The following HSPG2 variants were observed in gnomAD, a reference collection of about 807,000 sequenced individuals.
The protein encoded by HSPG2 is basement membrane-specific heparan sulfate proteoglycan core protein.
HSPG2 carries 278 observed loss-of-function variants against 526.6 expected under a neutral mutation model. The observed-to-expected ratio is 0.53, with a 90% confidence interval of 0.48 to 0.58. The LOEUF (loss-of-function observed/expected upper bound fraction) is 0.58, where lower values mean the gene tolerates loss of function less well. HSPG2 is among the 20% of genes least tolerant of loss of function. The probability of loss-of-function intolerance (pLI) is 0.00; values close to 1 mark genes in which losing one functional copy is unlikely to be tolerated. For synonymous variants in HSPG2, 2,465 were observed against 2,555.4 expected, an observed-to-expected ratio of 0.96 and a Z score of 1.07; for missense variants, 5,354 against 6,099.5, an observed-to-expected ratio of 0.88 and a Z score of 4.07.
At chr1:21,900,585 C>T (rs964096575) in intron 1 of HSPG2, among the ~76,000 whole-genome samples, 4 of 152,016 alleles carry the variant, frequency 2.6e-5, no homozygotes, top group African/African-American at 9.7e-5. Context: ...GGACTAAGAA[C>T]GGAGGAGAAA....
rs564171014 is a variant in HSPG2 at position 21,859,511 on chromosome 1, C to T, written c.5293+55G>A. ...ATGCACCATCTGCCTGAATCTGCAG[C>T]CTGCAGCCCAGCCCAGGACAGGCAG... On this transcript the variant is annotated intron_variant, in intron 42 of 96. Transcript: ENST00000374695. This position sits in a 1 kb window ranked among gnomAD's most constrained non-coding sequence, Gnocchi z 5.3. The T allele has an allele frequency of 4.6e-5, 63 of 1,374,152 alleles. No individual in the cohort carries two copies. In the East Asian group the frequency reaches 1.5e-3, roughly 33 times the overall value. The allele number at this position is 1,374,152 out of a possible 1,614,324, so 85.1% of individuals were successfully genotyped here.
chr1:21,864,945 T>C lies in HSPG2; in HGVS notation c.4524A>G (p.Ala1508=), dbSNP rs776225686. Residue 1508 remains alanine, a synonymous_variant, in exon 36 of 97, where the codon GCA becomes GCG. Transcript: ENST00000374695. This position sits in a 1 kb window ranked among gnomAD's most constrained non-coding sequence, Gnocchi z 4.8. ...CCGGCTGGGCGACCTCCAGGCTGAC[T>C]GCGCTGATGCTGGCCGCCAGCGGCA... ...SSVPLAASIS[A]VSLEVAQPGP... is the part of the protein sequence containing the mutation. The C allele has an allele frequency of 1.2e-6, 2 of 1,605,872 alleles. No homozygotes were observed. Among genetic ancestry groups the C allele is most frequent in the Non-Finnish European group, 1.7e-6 (2 of 1,177,752 alleles).
chr1:21,860,262 T>G (rs1287953806), intron 39 of HSPG2, 27 bp from the exon 40 acceptor site: 4 of 1,606,992 alleles, frequency 2.5e-6, no homozygotes, highest in Non-Finnish European at 3.4e-6. Context: ...GGGCCGGCAA[T>G]GTCAGGCCTC....
intron 18 of HSPG2, 87 bp from the exon 19 acceptor site, chr1:21,878,750 G>A (rs1356493617): frequency 7.5e-6 from 10 of 1,335,066 alleles, no homozygotes; most frequent in Non-Finnish European, 1.1e-5. Context: ...TGTCTACACA[G>A]ACACAGTGTG....
chr1:21,870,442 T>C lies in HSPG2; in HGVS notation c.4221+1744A>G, dbSNP rs75359303. 2.2e-3 allele frequency: 568 copies of C among 254,402 alleles called. 3 individuals carry two copies. Among genetic ancestry groups the C allele is most frequent in the African/African-American group, 0.012 (535 of 43,414 alleles). 15.8% of individuals were successfully genotyped at this position (254,402 alleles called of 1,614,324 possible). A position where few individuals can be genotyped will look rare whatever the true frequency, so the allele number is the denominator to read the frequency against. On this transcript the variant is annotated intron_variant, in intron 33 of 96. Coordinates refer to ENST00000374695, the MANE Select transcript of HSPG2 (RefSeq NM_005529.7). ...CACACTAATTAGGAAGAAAGATGCATGCCCCCCCTCTCCAGGCTGGCACCC... is the reference window on the plus strand; with the variant it reads ...CACACTAATTAGGAAGAAAGATGCACGCCCCCCCTCTCCAGGCTGGCACCC...
At chr1:21,871,823 C>T (rs190150415) in intron 33 of HSPG2, among the ~76,000 whole-genome samples, 30 of 151,664 alleles carry the variant, frequency 2.0e-4, no homozygotes, top group Admixed American at 1.0e-3. Flanking sequence ...TGAGTGAAGT[C>T]GGAGCGGGCA....
chr1:21,845,022 C>T (rs959946969), intron 64 of HSPG2, among the ~76,000 whole-genome samples: 2 of 152,094 alleles, frequency 1.3e-5, no homozygotes, highest in African/African-American at 2.4e-5. Flanking sequence ...CCGGGCTGGG[C>T]GGATCATGAG....
Position 21,887,384 on chromosome 1 carries a change from C to T in HSPG2, c.958+36G>A. 1 of 1,613,952 alleles carries T rather than the reference C, an allele frequency of 6.2e-7. No individual in the cohort carries two copies. On this transcript the variant is annotated intron_variant, in intron 8 of 96. Transcript: ENST00000374695. The surrounding 1 kb of genome is among the most constrained non-coding windows in gnomAD (Gnocchi z 5.0). ...AGCATCCTCCCGGGCCAGCTTCCTG[C>T]TCCCCGCACCCACCTGCACCCCTGC... is the stretch of plus-strand genomic sequence containing the variant.
chr1:21,872,369 G>C lies in HSPG2; in HGVS notation c.4038C>G (p.Thr1346=), dbSNP rs554129352. Residue 1346 remains threonine (T), a synonymous_variant, in exon 33 of 97, where the codon ACC becomes ACG. Coordinates refer to ENST00000374695, the MANE Select transcript of HSPG2 (RefSeq NM_005529.7). The surrounding 1 kb of genome is among the most constrained non-coding windows in gnomAD (Gnocchi z 5.5). Reference sequence around the variant, plus strand: ...CTTGGAAGTCCCCAGGGGCAAAGTGGGTGGAGATCTGGCAGGGGAAAAAGG... The same window carrying C: ...CTTGGAAGTCCCCAGGGGCAAAGTGCGTGGAGATCTGGCAGGGGAAAAAGG... The part of the protein sequence containing the change: ...SSAYTRHLIS[T]HFAPGDFQGF... 1.3e-6 allele frequency: 2 copies of C among 1,571,148 alleles called. No individual in the cohort carries two copies. The highest frequency in any genetic ancestry group is 2.7e-5 in the African/African-American group (2 of 74,026).
chr1:21,934,848 G>C (rs1223389648), intron 1 of HSPG2, among the ~76,000 whole-genome samples: 1 of 152,072 alleles, frequency 6.6e-6, no homozygotes, highest in African/African-American at 2.4e-5. Flanking sequence ...GCTCGCCTCG[G>C]CCTCCCAAAG....
At chr1:21,843,218 G>A in intron 66 of HSPG2, 79 bp downstream of exon 66, 1 of 1,589,974 alleles carries the variant, frequency 6.3e-7, no homozygotes, top group Non-Finnish European at 8.6e-7. Context: ...GTGCCCGGCT[G>A]GGAGAGAGGA....
At chr1:21,825,002 C>G (rs931586244) in intron 91 of HSPG2, 1 of 584,444 alleles carries the variant, frequency 1.7e-6, no homozygotes. Context: ...TGAAATTGAG[C>G]AGTTCTTTCA....
Position 21,864,017 on chromosome 1 carries a change from T to C in HSPG2, c.4740+83A>G, listed in dbSNP as rs891426950. On this transcript the variant is annotated intron_variant, in intron 37 of 96. Transcript: ENST00000374695. The surrounding 1 kb of genome is among the most constrained non-coding windows in gnomAD (Gnocchi z 4.8). Reference sequence around the variant, plus strand: ...TGCCCCATGATCCTGATCCCCTGGATTGATGCCTGCCTTGTCCAGCCCTGG... The same window carrying C: ...TGCCCCATGATCCTGATCCCCTGGACTGATGCCTGCCTTGTCCAGCCCTGG... The C allele has an allele frequency of 4.6e-6, 5 of 1,079,646 alleles. No individual in the cohort carries two copies. The Admixed American group carries it at 9.9e-5, about 21-fold the overall frequency. 66.9% of individuals were successfully genotyped at this position (1,079,646 alleles called of 1,614,324 possible). A position where few individuals can be genotyped will look rare whatever the true frequency, so the allele number is the denominator to read the frequency against.
At position 21,843,475 on chromosome 1, in the gene HSPG2, G is replaced by A. The variant is rs12096154; in HGVS notation, c.8617-37C>T. 2,206 of 1,591,612 alleles carry A rather than the reference G, an allele frequency of 1.4e-3. 30 individuals carry two copies. The African/African-American group carries it at 0.026, about 19-fold the overall frequency. Reference sequence around the variant, plus strand: ...GGGGTGAGAGCGGGGAGGGTGAGCTGGGAGCCTTCAGATGCCCAGGCCTCT... The same window carrying A: ...GGGGTGAGAGCGGGGAGGGTGAGCTAGGAGCCTTCAGATGCCCAGGCCTCT... On this transcript the variant is annotated intron_variant, in intron 65 of 96. Transcript: ENST00000374695.
At chr1:21,923,182 G>A (rs983231506) in intron 1 of HSPG2, among the ~76,000 whole-genome samples, 3 of 152,216 alleles carry the variant, frequency 2.0e-5, no homozygotes, top group East Asian at 1.9e-4. Context: ...CAAGGGAGGC[G>A]GATCACCTGA....
chr1:21,847,621 AG>A lies in HSPG2; in HGVS notation c.8025+67del. 3.7e-6 allele frequency: 6 copies of A among 1,604,586 alleles called. No homozygotes were observed. The highest frequency in any genetic ancestry group is 5.1e-6 in the Non-Finnish European group (6 of 1,174,610). ...CTACCCAGGGCCCAATCCGTGAGAC[AG>A]GGAGCCTGCTCTGCTCACCCCAGGA... On this transcript the variant is annotated intron_variant, in intron 61 of 96. Transcript: ENST00000374695. The surrounding 1 kb of genome is among the most constrained non-coding windows in gnomAD (Gnocchi z 4.1).
rs1414695494 is a variant in HSPG2, at chr1:21,827,867, G to T, written c.12585C>A (p.Gly4195=). 6.3e-7 allele frequency: 1 copy of T among 1,582,410 alleles called. No individual in the cohort carries two copies. Among genetic ancestry groups the T allele is most frequent in the Non-Finnish European group, 8.6e-7 (1 of 1,164,078 alleles). Residue 4195 remains glycine, a synonymous_variant, in exon 91 of 97, where the codon GGC becomes GGA. Transcript: ENST00000374695. ...ESDWHLEGSG[G]NDAPGQYGAY... ...GAGGCCATGGCAAGTACTCACCATTGCCCCCGCTGCCTTCAAGATGCCAGT... is the reference window on the plus strand; with the variant it reads ...GAGGCCATGGCAAGTACTCACCATTTCCCCCGCTGCCTTCAAGATGCCAGT...
chr1:21,841,991 G>A lies in HSPG2; in HGVS notation c.9193+11C>T. The A allele has an allele frequency of 6.2e-7, 1 of 1,612,894 alleles. No individual in the cohort carries two copies. Among genetic ancestry groups the A allele is most frequent in the African/African-American group, 1.3e-5 (1 of 75,046 alleles). On this transcript the variant is annotated intron_variant, in intron 69 of 96. Coordinates refer to ENST00000374695, the MANE Select transcript of HSPG2 (RefSeq NM_005529.7). ...CCCCAGCTTGCCCACCTGCCCACCA[G>A]CCTGGCTCACCCTCCAGCTCCTGGT... is the stretch of plus-strand genomic sequence containing the variant.
In HSPG2 at chr1:21,873,931, C is replaced by T; in HGVS notation, c.3737G>A (p.Cys1246Tyr). 6.3e-7 allele frequency: 1 copy of T among 1,589,432 alleles called. No homozygotes were observed. The highest frequency in any genetic ancestry group is 8.6e-7 in the Non-Finnish European group (1 of 1,167,278). The change falls in exon 29 of 97, where the codon TGT (cysteine) becomes TAT (tyrosine). Residue 1246 changes from cysteine to tyrosine, a missense_variant. Cys to Tyr is a radical substitution (Grantham distance 194). Coordinates refer to ENST00000374695, the MANE Select transcript of HSPG2 (RefSeq NM_005529.7). ...ACSPGHSGRHCERCAPGYYGN... is the reference protein window; with the variant it reads ...ACSPGHSGRHYERCAPGYYGN... ...TCTCCACCCCCTGCCTCACCTCTCA[C>T]AGTGACGCCCACTGTGGCCTGGGGA...
Sources: gnomAD v4.1 joint callset for allele counts (sites outside exome capture counted in the v4.1 genomes callset) on GRCh38, gnomAD v4.1.1 for gene constraint, Gnocchi (gnomAD v3.1) non-coding constraint, MANE v1.5 for transcripts, NCBI Gene and HGNC (gene_info 2026-07-23, HGNC 2026-07-21) for gene names.